Variants in EVC2 observed in about 807,000 individuals in gnomAD.
EVC2 encodes limbin.
EVC2 carries 148 observed loss-of-function variants against 149.3 expected under a neutral mutation model. The observed-to-expected ratio is 0.99, with a 90% CI of 0.87 to 1.14. The LOEUF is 1.14. Among genes scored for constraint, EVC2 ranks in the 50% most tolerant of loss-of-function variants. The probability of loss-of-function intolerance (pLI) is 0.00; values close to 1 mark genes in which losing one functional copy is unlikely to be tolerated. For missense variants in EVC2, 1,854 were observed against 1,627.3 expected (o/e 1.14, Z -2.40); for synonymous variants, 776 against 649.9 (o/e 1.19, Z -2.95).
At chr4:5,688,274 C>G (rs937892776) in intron 5 of EVC2, among the ~76,000 whole-genome samples, 1 of 152,052 alleles carries the variant, frequency 6.6e-6, no homozygotes, top group Admixed American at 6.6e-5. Context: ...GACTGATGAG[C>G]GATGTGTGCC....
chr4:5,566,081 C>T (rs1025020225), intron 20 of EVC2, among the ~76,000 whole-genome samples: 1 of 152,242 alleles, frequency 6.6e-6, no homozygotes, highest in African/African-American at 2.4e-5. Context: ...GTGGGAGCTC[C>T]ACAACTGCTT....
At position 5,584,811 on chromosome 4, in the gene EVC2, C is replaced by G. The variant is rs1560140198; in HGVS notation, c.2869G>C (p.Glu957Gln). Reference sequence around the variant, plus strand: ...TGTGCAAAGCCTCCCTCCTGTGCCTCCATCCGCTGCACTCTCTCCCGCAGC... The same window carrying G: ...TGTGCAAAGCCTCCCTCCTGTGCCTGCATCCGCTGCACTCTCTCCCGCAGC... ...ELLRERVQRM[E>Q]AQEGGFAQSL... The change falls in exon 17 of 22, where the codon GAG becomes CAG. Residue 957 changes from glutamate (E) to glutamine (Q), a missense_variant. Transcript: ENST00000344408. 1.9e-6 allele frequency: 3 copies of G among 1,614,186 alleles called. No homozygotes were observed. Among genetic ancestry groups the G allele is most frequent in the East Asian group, 2.2e-5 (1 of 44,862 alleles).
At chr4:5,548,416 A>T (rs1721663703) in intron 21 of EVC2, among the ~76,000 whole-genome samples, 3 of 150,132 alleles carry the variant, frequency 2.0e-5, no homozygotes. Context: ...ACCAAGCAGA[A>T]AGATGGCATT....
intron 17 of EVC2, among the ~76,000 whole-genome samples, chr4:5,577,304 A>T (rs1161080016): frequency 1.3e-5 from 2 of 152,218 alleles, no homozygotes; most frequent in Non-Finnish European, 2.9e-5. Flanking sequence ...AGTAATCTGC[A>T]TTCTTAGGCC....
intron 2 of EVC2, among the ~76,000 whole-genome samples, chr4:5,695,540 A>G (rs1412536465): frequency 6.6e-6 from 1 of 152,196 alleles, no homozygotes; most frequent in Non-Finnish European, 1.5e-5. Flanking sequence ...GACCTTGCAC[A>G]GGTCAGCTGA....
chr4:5,675,017 T>G (rs1719900352), intron 7 of EVC2, among the ~76,000 whole-genome samples: 1 of 152,164 alleles, frequency 6.6e-6, no homozygotes, highest in Non-Finnish European at 1.5e-5. Flanking sequence ...TGATTTTGCC[T>G]ACAGAGTGAC....
At chr4:5,574,820 A>T in intron 18 of EVC2, 48 bp from the exon 19 acceptor site, 5 of 1,537,598 alleles carry the variant, frequency 3.3e-6, no homozygotes, top group Non-Finnish European at 4.5e-6. Flanking sequence ...TTATAAAGTG[A>T]TACTATGAGA....
At chr4:5,643,831 G>A (rs1717517357) in intron 9 of EVC2, among the ~76,000 whole-genome samples, 1 of 152,140 alleles carries the variant, frequency 6.6e-6, no homozygotes, top group South Asian at 2.1e-4. Context: ...TGAGGCGGAG[G>A]TTGCAGTTGG....
downstream of EVC2, among the ~76,000 whole-genome samples, chr4:5,558,985 G>A (rs1721890346): frequency 6.6e-6 from 1 of 152,112 alleles, no homozygotes; most frequent in Admixed American, 6.5e-5. Flanking sequence ...TTGAGTCTTG[G>A]AGTTTGAGAC....
intron 7 of EVC2, among the ~76,000 whole-genome samples, chr4:5,675,845 G>A (rs781475934): frequency 7.9e-5 from 12 of 152,166 alleles, no homozygotes; most frequent in Non-Finnish European, 1.2e-4. Context: ...TCAGGAGGCC[G>A]AGGCAGGAGA....
At chr4:5,700,254 T>C (rs2151742431) in intron 1 of EVC2, among the ~76,000 whole-genome samples, 1 of 152,356 alleles carries the variant, frequency 6.6e-6, no homozygotes, top group Middle Eastern at 3.4e-3. Flanking sequence ...TCTGTAAATC[T>C]AAAACTCTTC....
At chr4:5,581,701 C>T (rs1219963492) in intron 17 of EVC2, among the ~76,000 whole-genome samples, 1 of 152,206 alleles carries the variant, frequency 6.6e-6, no homozygotes, top group Non-Finnish European at 1.5e-5. Flanking sequence ...AAATTTGCAG[C>T]CCACCATAGC....
intron 1 of EVC2, among the ~76,000 whole-genome samples, chr4:5,704,186 T>G (rs1721997049): frequency 6.6e-6 from 1 of 152,122 alleles, no homozygotes; most frequent in South Asian, 2.1e-4. Context: ...AGGAGGTCAG[T>G]CAGGCGGCTC....
Position 5,640,596 on chromosome 4 carries a change from C to A in EVC2, c.1388G>T (p.Arg463Ile). Residue 463 changes from arginine to isoleucine, a missense_variant, in exon 10 of 22, where the codon AGA becomes ATA. Arg to Ile is a moderately conservative substitution (Grantham distance 97). Transcript: ENST00000344408. This position sits in a 1 kb window ranked among gnomAD's most constrained non-coding sequence, Gnocchi z 4.6. ...CTGGTACTGGTTTTCCATCTTCTTT[C>A]TTGTTTCCAGGTCACATTCAGCTGT... is the stretch of plus-strand genomic sequence containing the variant. Reference protein sequence around the residue: ...ALTAECDLETRKKMENQYQRE... With the variant: ...ALTAECDLETIKKMENQYQRE... 1 of 1,614,120 alleles carries A rather than the reference C, an allele frequency of 6.2e-7. No individual in the cohort carries two copies. The highest frequency in any genetic ancestry group is 2.2e-5 in the East Asian group (1 of 44,872).
chr4:5,606,373 T>A (rs997451597), intron 16 of EVC2, among the ~76,000 whole-genome samples: 1 of 152,100 alleles, frequency 6.6e-6, no homozygotes, highest in Admixed American at 6.5e-5. Context: ...AAATTAGAAA[T>A]CAATAATAAA....
At chr4:5,552,984 G>A (rs968256148) in intron 21 of EVC2, among the ~76,000 whole-genome samples, 2 of 152,198 alleles carry the variant, frequency 1.3e-5, no homozygotes, top group African/African-American at 4.8e-5. Context: ...CTTCCCTCTG[G>A]TGTGTGATAG....
intron 21 of EVC2, among the ~76,000 whole-genome samples, chr4:5,544,224 T>A (rs1021519043): frequency 2.0e-5 from 3 of 151,066 alleles, no homozygotes; most frequent in Non-Finnish European, 4.4e-5. Context: ...GAATGTTGGC[T>A]AGAAATGGAA....
At chr4:5,662,968 T>C in intron 9 of EVC2, 139 bp downstream of exon 9, 1 of 1,125,584 alleles carries the variant, frequency 8.9e-7, no homozygotes. Context: ...ATTCAGTGCA[T>C]AGCAGTTGTT....
At chr4:5,598,414 G>A (rs1279726222) in intron 16 of EVC2, among the ~76,000 whole-genome samples, 142 of 150,984 alleles carry the variant, frequency 9.4e-4, no homozygotes, top group Non-Finnish European at 8.5e-4. Context: ...AAATAATGCC[G>A]CATATCTACA....
Sources: gnomAD v4.1 joint callset for allele counts (sites outside exome capture counted in the v4.1 genomes callset) on GRCh38, gnomAD v4.1.1 for gene constraint, Gnocchi (gnomAD v3.1) non-coding constraint, MANE v1.5 for transcripts, NCBI Gene and HGNC (gene_info 2026-07-23, HGNC 2026-07-21) for gene names.